Variants in PPP2R5C observed in about 807,000 individuals in gnomAD.
PPP2R5C encodes protein phosphatase 2 regulatory subunit B'gamma, also known as serine/threonine-protein phosphatase 2A 56 kDa regulatory subunit gamma isoform.
In PPP2R5C, 7 loss-of-function variants were observed where a neutral mutation model predicts 68.9. The ratio of observed to expected loss-of-function variants is 0.10; its 90% CI spans 0.06 to 0.19. The LOEUF (loss-of-function observed/expected upper bound fraction) is 0.19, where lower values mean the gene tolerates loss of function less well. Ranked by LOEUF, PPP2R5C falls within the 10% of genes least tolerant of loss-of-function variation. The pLI, the probability that PPP2R5C is intolerant of heterozygous loss-of-function variation, is 1.00. For synonymous variants in PPP2R5C, 210 were observed against 222.2 expected, an observed-to-expected ratio of 0.95 and a Z score of 0.49; for missense variants, 348 against 641.3, an observed-to-expected ratio of 0.54 and a Z score of 4.94.
chr14:101,773,297 C>T (rs902031907), intron 2 of PPP2R5C, among the ~76,000 whole-genome samples: 1 of 152,110 alleles, frequency 6.6e-6, no homozygotes, highest in African/African-American at 2.4e-5. Context: ...ACCATGATGA[C>T]AACCAAAACC....
intron 1 of PPP2R5C, among the ~76,000 whole-genome samples, chr14:101,762,462 T>C (rs1005850568): frequency 6.7e-6 from 1 of 149,716 alleles, no homozygotes; most frequent in Non-Finnish European, 1.5e-5. Context: ...TTATCCTGGG[T>C]GGCGGCGGCG....
intron 1 of PPP2R5C, among the ~76,000 whole-genome samples, chr14:101,817,473 C>T (rs540943559): frequency 1.3e-5 from 2 of 152,318 alleles, no homozygotes; most frequent in African/African-American, 2.4e-5. Flanking sequence ...ACAGTAGCTG[C>T]ACAGACGGCC....
intron 1 of PPP2R5C, chr14:101,818,275 C>T (rs2039839278): frequency 6.6e-6 from 1 of 152,134 alleles, no homozygotes; most frequent in African/African-American, 2.4e-5. Context: ...TATACATCTC[C>T]CCTCCTCATC....
rs1453529860 is a variant in PPP2R5C, at chr14:101,836,315, C to T, written c.95-20371C>T. The T allele has an allele frequency of 7.1e-6, 5 of 702,604 alleles. No homozygotes were observed. The East Asian group carries it at 1.3e-4, about 19-fold the overall frequency. 43.5% of individuals were successfully genotyped at this position (702,604 alleles called of 1,614,324 possible). A position where few individuals can be genotyped will look rare whatever the true frequency, so the allele number is the denominator to read the frequency against. On this transcript the variant is annotated intron_variant, in intron 1 of 13. Coordinates refer to ENST00000334743, the Ensembl canonical transcript of PPP2R5C. Reference sequence around the variant, plus strand: ...AAGCATGGACGGAGCTGCCAGCCTTCTCCCCTGCCCTTCTTCCTCTACTCC... The same window carrying T: ...AAGCATGGACGGAGCTGCCAGCCTTTTCCCCTGCCCTTCTTCCTCTACTCC...
Position 101,917,834 on chromosome 14 carries a change from A to T in PPP2R5C, c.1330A>T (p.Thr444Ser). ...GACTCCACGCTTTGCATTGCAGTACACAGTGTATAGTCAAGCCAGCACCAT... is the reference window on the plus strand; with the variant it reads ...GACTCCACGCTTTGCATTGCAGTACTCAGTGTATAGTCAAGCCAGCACCAT... Residue 444 changes from threonine to serine, a missense_variant, in exon 13 of 14, where the codon ACA becomes TCA. This residue lies in a region of PPP2R5C where 118 missense variants were observed against 108.9 expected (regional missense o/e 1.08). Transcript: ENST00000334743. The surrounding 1 kb of genome is among the most constrained non-coding windows in gnomAD (Gnocchi z 4.4). 1 of 1,613,566 alleles carries T rather than the reference A, an allele frequency of 6.2e-7. No homozygotes were observed. The highest frequency in any genetic ancestry group is 1.1e-5 in the South Asian group (1 of 91,076).
chr14:101,856,030 A>G (rs1211490702), intron 1 of PPP2R5C, among the ~76,000 whole-genome samples: 1 of 152,200 alleles, frequency 6.6e-6, no homozygotes, highest in African/African-American at 2.4e-5. Flanking sequence ...ATAAGCCTTG[A>G]CTGTAGACCA....
At chr14:101,908,184 G>A (rs557565165) in intron 10 of PPP2R5C, among the ~76,000 whole-genome samples, 6 of 152,146 alleles carry the variant, frequency 3.9e-5, no homozygotes, top group Admixed American at 1.3e-4. Context: ...GTTAATATGC[G>A]TAAAGTACCT....
chr14:101,881,183 G>GT (rs1302696343), intron 2 of PPP2R5C, among the ~76,000 whole-genome samples: 45 of 152,166 alleles, frequency 3.0e-4, no homozygotes, highest in Non-Finnish European at 5.4e-4. Flanking sequence ...GAGGTCAGGA[G>GT]TTTGAGACTG....
intron 12 of PPP2R5C, chr14:101,914,259 C>A: frequency 2.2e-6 from 1 of 451,334 alleles, no homozygotes; most frequent in Non-Finnish European, 4.4e-6. Flanking sequence ...TGTGTTGACG[C>A]CATCTGTGAC....
intron 2 of PPP2R5C, among the ~76,000 whole-genome samples, chr14:101,768,111 A>G (rs2036951761): frequency 6.6e-6 from 1 of 152,214 alleles, no homozygotes; most frequent in Non-Finnish European, 1.5e-5. Flanking sequence ...CCTGGATGCC[A>G]GTGGCCCACT....
chr14:101,786,271 C>A, intron 3 of PPP2R5C, 88 bp downstream of exon 3: 1 of 1,223,874 alleles, frequency 8.2e-7, no homozygotes, highest in Non-Finnish European at 1.1e-6. Context: ...TATTCCTTTG[C>A]TGTGTTTGTA....
chr14:101,828,802 C>G (rs938562654), intron 1 of PPP2R5C, among the ~76,000 whole-genome samples: 1 of 151,684 alleles, frequency 6.6e-6, no homozygotes, highest in Non-Finnish European at 1.5e-5. Context: ...CTCAGCCTCC[C>G]GAGCAACTGA....
chr14:101,830,042 A>G (rs1015718538), intron 1 of PPP2R5C, among the ~76,000 whole-genome samples: 1 of 152,164 alleles, frequency 6.6e-6, no homozygotes, highest in Admixed American at 6.5e-5. Context: ...AAACGAGATT[A>G]GGACGTGAAT....
chr14:101,775,459 G>A (rs2037368190), intron 2 of PPP2R5C, among the ~76,000 whole-genome samples: 2 of 152,202 alleles, frequency 1.3e-5, no homozygotes, highest in South Asian at 2.1e-4. Flanking sequence ...CTGGGGTGCT[G>A]TTGCCTGGCT....
chr14:101,786,972 A>C (rs1291863639), intron 3 of PPP2R5C, among the ~76,000 whole-genome samples: 1 of 152,186 alleles, frequency 6.6e-6, no homozygotes, highest in Non-Finnish European at 1.5e-5. Context: ...TAATTCAGCA[A>C]CCAGTCCAGT....
intron 1 of PPP2R5C, among the ~76,000 whole-genome samples, chr14:101,847,159 G>T (rs1436798446): frequency 6.6e-6 from 1 of 152,166 alleles, no homozygotes; most frequent in Non-Finnish European, 1.5e-5. Context: ...CCCACTATGT[G>T]CTGGCCAGTT....
intron 1 of PPP2R5C, among the ~76,000 whole-genome samples, chr14:101,815,085 G>A (rs1276080018): frequency 6.6e-6 from 1 of 152,108 alleles, no homozygotes; most frequent in East Asian, 1.9e-4. Context: ...CTGTACCTCT[G>A]TTCTCTCTCT....
chr14:101,811,862 T>C (rs1412527876), intron 1 of PPP2R5C, among the ~76,000 whole-genome samples: 1 of 149,174 alleles, frequency 6.7e-6, no homozygotes, highest in Non-Finnish European at 1.5e-5. Flanking sequence ...ACCACATTGA[T>C]TTTTTTTTTA....
At chr14:101,866,095 A>G (rs1012757712) in intron 2 of PPP2R5C, among the ~76,000 whole-genome samples, 3 of 152,226 alleles carry the variant, frequency 2.0e-5, no homozygotes, top group African/African-American at 7.2e-5. Flanking sequence ...GGGTTTCACC[A>G]TGTTGGCCAG....
Sources: allele counts gnomAD v4.1 joint callset (sites outside exome capture counted in the v4.1 genomes callset), GRCh38; gene constraint gnomAD v4.1.1; regional missense constraint gnomAD v4.1.1; non-coding constraint Gnocchi (gnomAD v3.1); transcripts MANE v1.5; gene names NCBI Gene and HGNC (gene_info 2026-07-23, HGNC 2026-07-21).